The following PCDHGB7 variants were observed in gnomAD, a reference collection of about 807,000 sequenced individuals.
PCDHGB7 encodes protocadherin gamma subfamily B, 7, also known as protocadherin gamma-B7.
A neutral mutation model predicts 61.4 loss-of-function variants in PCDHGB7; 37 were observed. That is an observed-to-expected ratio of 0.60 (90% CI 0.46 to 0.79). PCDHGB7 has a LOEUF of 0.79. PCDHGB7 is among the 30% of genes least tolerant of loss of function. The pLI is 0.00. For synonymous variants in PCDHGB7, 464 were observed against 503.5 expected (o/e 0.92, Z 1.05); for missense variants, 1,166 against 1,202.5 (o/e 0.97, Z 0.45).
In PCDHGB7 at chr5:141,477,857, C is replaced by A. The variant is rs548674958; in HGVS notation, c.2416-16950C>A. On this transcript the variant is annotated intron_variant, in intron 1 of 3. Transcript: ENST00000398594. The surrounding 1 kb of genome is among the most constrained non-coding windows in gnomAD (Gnocchi z 4.9). ...AGGTGGGAGCTCGGTGGAGATGCTG[C>A]CTCGAGGTACCTCAGCTGGCCACCT... 2.9e-5 allele frequency: 47 copies of A among 1,613,454 alleles called. No individual in the cohort carries two copies. In the South Asian group the frequency reaches 4.9e-4, roughly 17 times the overall value.
In PCDHGB7 at chr5:141,418,921, T is replaced by A. The variant is rs897705216; in HGVS notation, c.1062T>A (p.Asp354Glu). 1.9e-6 allele frequency: 3 copies of A among 1,613,928 alleles called. No homozygotes were observed. Among genetic ancestry groups the A allele is most frequent in the Admixed American group, 3.3e-5 (2 of 60,018 alleles). ...SPEIIITSLSDQIMEDSPPGV... is the reference protein window; with the variant it reads ...SPEIIITSLSEQIMEDSPPGV... ...AAATAATCATCACGTCACTCTCTGA[T>A]CAGATTATGGAGGATTCCCCTCCAG... The change falls in exon 1 of 4, where the codon GAT becomes GAA. Residue 354 changes from aspartate to glutamate, a missense_variant. Physicochemically the swap from Asp to Glu is conservative, Grantham distance 45 (BLOSUM62 2). Transcript: ENST00000398594.
intron 1 of PCDHGB7, among the ~76,000 whole-genome samples, chr5:141,459,755 G>A (rs1383912891): frequency 2.0e-5 from 3 of 152,182 alleles, no homozygotes; most frequent in African/African-American, 7.2e-5. Flanking sequence ...CAATTCTAGT[G>A]GGTGTGTGAT....
In PCDHGB7 at chr5:141,486,546, G is replaced by A. The variant is rs1156517969; in HGVS notation, c.2416-8261G>A. Reference sequence around the variant, plus strand: ...GATAATCCACCCTCTTTCTTTCAGAGGTCACATGAGGTGTTTGTTCCTGAG... The same window carrying A: ...GATAATCCACCCTCTTTCTTTCAGAAGTCACATGAGGTGTTTGTTCCTGAG... On this transcript the variant is annotated intron_variant, in intron 1 of 3. Coordinates refer to ENST00000398594, the MANE Select transcript of PCDHGB7 (RefSeq NM_018927.4). The surrounding 1 kb of genome is among the most constrained non-coding windows in gnomAD (Gnocchi z 5.0). 3 of 1,614,084 alleles carry A rather than the reference G, an allele frequency of 1.9e-6. No homozygotes were observed. The East Asian group carries it at 6.7e-5, about 36-fold the overall frequency.
intron 1 of PCDHGB7, chr5:141,428,889 C>G (rs1486441305): frequency 1.3e-5 from 2 of 150,826 alleles, no homozygotes; most frequent in African/African-American, 4.9e-5. Flanking sequence ...GAGTCTCGCT[C>G]TGTGGTCCAG....
chr5:141,428,658 T>G (rs932328483), intron 1 of PCDHGB7: 1 of 165,620 alleles, frequency 6.0e-6, no homozygotes, highest in Non-Finnish European at 1.3e-5. Flanking sequence ...TGAGTTCCAA[T>G]GAATGTCTTT....
rs780788394 is a variant in PCDHGB7 at position 141,491,675 on chromosome 5, C to T, written c.2416-3132C>T. ...GAGCCTGACGCCATCCGGTCCCGCT[C>T]TAATACGCTGCGGGAGCGGAGCCAG... On this transcript the variant is annotated intron_variant, in intron 1 of 3. Transcript: ENST00000398594. The surrounding 1 kb of genome is among the most constrained non-coding windows in gnomAD (Gnocchi z 6.9). 6 of 1,613,450 alleles carry T rather than the reference C, an allele frequency of 3.7e-6. No homozygotes were observed. The African/African-American group carries it at 8.0e-5, about 22-fold the overall frequency.
In PCDHGB7 at chr5:141,475,486, T is replaced by C. The variant is rs576743657; in HGVS notation, c.2416-19321T>C. Among the ~76,000 whole-genome samples, 14 of 152,370 alleles carry C rather than the reference T, an allele frequency of 9.2e-5. No homozygotes were observed. In the East Asian group the frequency reaches 2.7e-3, roughly 29 times the overall value. On this transcript the variant is annotated intron_variant, in intron 1 of 3. Transcript: ENST00000398594. ...AATGCTAATTTCATTTGGTAAGAGA[T>C]AAAACTGAAATTATTAATGTCTCCA...
At chr5:141,504,182 C>A (rs2099836345) in intron 2 of PCDHGB7, among the ~76,000 whole-genome samples, 1 of 152,234 alleles carries the variant, frequency 6.6e-6, no homozygotes, top group Non-Finnish European at 1.5e-5. Context: ...TCAAAAAAAT[C>A]ATGAAAATTG....
Position 141,489,714 on chromosome 5 carries a change from G to C in PCDHGB7, c.2416-5093G>C, listed in dbSNP as rs770143357. On this transcript the variant is annotated intron_variant, in intron 1 of 3. Coordinates refer to ENST00000398594, the MANE Select transcript of PCDHGB7 (RefSeq NM_018927.4). The surrounding 1 kb of genome is among the most constrained non-coding windows in gnomAD (Gnocchi z 4.5). Reference sequence around the variant, plus strand: ...CACGATTCCCACTGGACAGTGCCCAGGATCCGGATGTGGGCACCAATACTG... The same window carrying C: ...CACGATTCCCACTGGACAGTGCCCACGATCCGGATGTGGGCACCAATACTG... 7.4e-6 allele frequency: 12 copies of C among 1,613,958 alleles called. No individual in the cohort carries two copies. The highest frequency in any genetic ancestry group is 1.0e-5 in the Non-Finnish European group (12 of 1,179,930).
rs999463482 is a variant in PCDHGB7, at chr5:141,506,400, T to C, written c.2563+919T>C. ...GGAGGTGGCTGTGGTGAGCAGAAAATCGCACCACTGCACTCCAGCCTGGGC... is the reference window on the plus strand; with the variant it reads ...GGAGGTGGCTGTGGTGAGCAGAAAACCGCACCACTGCACTCCAGCCTGGGC... On this transcript the variant is annotated intron_variant, in intron 3 of 3. Coordinates refer to ENST00000398594, the MANE Select transcript of PCDHGB7 (RefSeq NM_018927.4). 1.2e-4 allele frequency among the ~76,000 whole-genome samples: 16 copies of C among 135,754 alleles called. No homozygotes were observed. In the Admixed American group the frequency reaches 1.3e-3, roughly 11 times the overall value. The allele number at this position is 135,754 out of a possible 152,430, so 89.1% of individuals were successfully genotyped here.
intron 1 of PCDHGB7, chr5:141,424,572 T>C (rs1272121500): frequency 6.6e-6 from 1 of 152,238 alleles, no homozygotes; most frequent in East Asian, 1.9e-4. Context: ...CAAAAACCTA[T>C]TTTCAAATGT....
In PCDHGB7 at chr5:141,448,771, T is replaced by C. The variant is rs564309379; in HGVS notation, c.2415+28497T>C. Among the ~76,000 whole-genome samples the C allele has an allele frequency of 6.6e-4, 100 of 151,738 alleles. 1 individual carries two copies. The highest frequency in any genetic ancestry group is 6.8e-3 in the Middle Eastern group (2 of 294). On this transcript the variant is annotated intron_variant, in intron 1 of 3. Coordinates refer to ENST00000398594, the MANE Select transcript of PCDHGB7 (RefSeq NM_018927.4). ...CTGGCTAACACGGTGAAACCCCGTCTGTACTAAAAATACAAAAAAAAAAAT... is the reference window on the plus strand; with the variant it reads ...CTGGCTAACACGGTGAAACCCCGTCCGTACTAAAAATACAAAAAAAAAAAT...
At chr5:141,465,318 A>G (rs1440554123) in intron 1 of PCDHGB7, among the ~76,000 whole-genome samples, 1 of 152,198 alleles carries the variant, frequency 6.6e-6, no homozygotes, top group Non-Finnish European at 1.5e-5. Flanking sequence ...AGCCATGTCA[A>G]TGCAGTATTT....
At chr5:141,473,779 T>C (rs2099328680) in intron 1 of PCDHGB7, among the ~76,000 whole-genome samples, 1 of 152,204 alleles carries the variant, frequency 6.6e-6, no homozygotes, top group Non-Finnish European at 1.5e-5. Context: ...GGTATTTTAA[T>C]TCAAGAGCAG....
At chr5:141,469,782 G>A (rs760985231) in intron 1 of PCDHGB7, among the ~76,000 whole-genome samples, 8 of 152,204 alleles carry the variant, frequency 5.3e-5, no homozygotes, top group African/African-American at 1.7e-4. Context: ...TTATTACAGC[G>A]TTATTTGTAA....
chr5:141,459,545 T>G (rs534173050), intron 1 of PCDHGB7, among the ~76,000 whole-genome samples: 81 of 152,348 alleles, frequency 5.3e-4, no homozygotes, highest in South Asian at 1.0e-3. Context: ...TTTTTTTATT[T>G]CTCTTGGATA....
At chr5:141,444,692 T>G (rs531452351) in intron 1 of PCDHGB7, among the ~76,000 whole-genome samples, 1 of 152,360 alleles carries the variant, frequency 6.6e-6, no homozygotes, top group South Asian at 2.1e-4. Context: ...TTAAAAATAT[T>G]TTCCTCTTTC....
intron 1 of PCDHGB7, among the ~76,000 whole-genome samples, chr5:141,442,700 TA>T (rs2098337605): frequency 6.6e-6 from 1 of 152,198 alleles, no homozygotes; most frequent in Non-Finnish European, 1.5e-5. Flanking sequence ...CAGACAAGAG[TA>T]TCAGACATGC....
chr5:141,508,971 T>C (rs776443205), intron 3 of PCDHGB7, among the ~76,000 whole-genome samples: 14 of 152,004 alleles, frequency 9.2e-5, no homozygotes, highest in Non-Finnish European at 2.1e-4. Context: ...ATGAAAGGGC[T>C]GGGGGTGGGG....
Sources: allele counts gnomAD v4.1 joint callset (sites outside exome capture counted in the v4.1 genomes callset), GRCh38; gene constraint gnomAD v4.1.1; non-coding constraint Gnocchi (gnomAD v3.1); transcripts MANE v1.5; gene names NCBI Gene and HGNC (gene_info 2026-07-23, HGNC 2026-07-21).